The following KLHL1 variants were observed in gnomAD, a reference collection of about 807,000 sequenced individuals.
The protein encoded by KLHL1 is kelch-like protein 1.
KLHL1 carries 47 observed loss-of-function variants against 77.7 expected under a neutral mutation model. The observed-to-expected ratio is 0.60, with a 90% confidence interval of 0.48 to 0.77. The LOEUF (loss-of-function observed/expected upper bound fraction) is 0.77, where lower values mean the gene tolerates loss of function less well. Among genes scored for constraint, KLHL1 ranks in the 30% least tolerant of loss-of-function variants. The pLI, the probability that KLHL1 is intolerant of heterozygous loss-of-function variation, is 0.00. For synonymous variants in KLHL1, 360 were observed against 325.2 expected, an observed-to-expected ratio of 1.11 and a Z score of -1.15; for missense variants, 925 against 910.8, an observed-to-expected ratio of 1.02 and a Z score of -0.20.
At chr13:69,784,659 A>G (rs1876414866) in intron 7 of KLHL1, among the ~76,000 whole-genome samples, 1 of 151,556 alleles carries the variant, frequency 6.6e-6, no homozygotes, top group Non-Finnish European at 1.5e-5. Context: ...TATGCACCCA[A>G]TACAGGAGCA....
At chr13:70,031,207 G>A (rs938641722) in intron 1 of KLHL1, among the ~76,000 whole-genome samples, 4 of 152,160 alleles carry the variant, frequency 2.6e-5, no homozygotes, top group Non-Finnish European at 4.4e-5. Context: ...CTATGCAGAA[G>A]GTTTAAGAAG....
At chr13:69,812,917 A>G (rs201808253) in intron 6 of KLHL1, among the ~76,000 whole-genome samples, 58,220 of 129,822 alleles carry the variant, frequency 0.45, 14,086 homozygotes, top group African/African-American at 0.62. Context: ...ACAGTGTGGC[A>G]ATTCCTCAGG....
intron 5 of KLHL1, among the ~76,000 whole-genome samples, chr13:69,851,218 T>C (rs1254191040): frequency 3.3e-5 from 5 of 151,778 alleles, no homozygotes; most frequent in African/African-American, 1.2e-4. Context: ...CTGTTATTTA[T>C]AATTACATTT....
chr13:69,993,493 C>T (rs909500818), intron 1 of KLHL1, among the ~76,000 whole-genome samples: 7 of 152,092 alleles, frequency 4.6e-5, no homozygotes, highest in South Asian at 2.1e-4. Flanking sequence ...TTTTGAACAA[C>T]GAAGAATGAA....
chr13:69,779,217 C>CCTAA (rs1212240633), intron 7 of KLHL1, among the ~76,000 whole-genome samples: 4 of 152,102 alleles, frequency 2.6e-5, no homozygotes, highest in African/African-American at 9.7e-5. Context: ...CCAGGGAATA[C>CCTAA]CTAACTTACG....
intron 4 of KLHL1, among the ~76,000 whole-genome samples, chr13:69,936,423 T>C (rs1452364784): frequency 1.3e-5 from 2 of 151,674 alleles, no homozygotes; most frequent in Non-Finnish European, 2.9e-5. Flanking sequence ...ACCTCGTCTC[T>C]ACTAAAAATA....
chr13:70,033,869 C>T (rs945123384), intron 1 of KLHL1, among the ~76,000 whole-genome samples: 1 of 151,974 alleles, frequency 6.6e-6, no homozygotes, highest in Non-Finnish European at 1.5e-5. Flanking sequence ...ATCTTCCTGC[C>T]CCCACCTCTG....
At chr13:69,855,878 A>G (rs1431483404) in intron 5 of KLHL1, among the ~76,000 whole-genome samples, 2 of 146,478 alleles carry the variant, frequency 1.4e-5, no homozygotes, top group East Asian at 2.0e-4. Flanking sequence ...TATATTATAT[A>G]TGTTATATAA....
intron 5 of KLHL1, among the ~76,000 whole-genome samples, chr13:69,862,058 A>T (rs569529396): frequency 1.4e-4 from 22 of 151,878 alleles, no homozygotes; most frequent in African/African-American, 5.3e-4. Context: ...AATGAATATT[A>T]TCGTTGTTTA....
chr13:69,741,046 C>G (rs567189788), intron 7 of KLHL1, among the ~76,000 whole-genome samples: 1 of 152,246 alleles, frequency 6.6e-6, no homozygotes, highest in South Asian at 2.1e-4. Flanking sequence ...TATTACCAAT[C>G]TGAATTTCAG....
intron 4 of KLHL1, among the ~76,000 whole-genome samples, chr13:69,935,764 T>C (rs1259908027): frequency 6.6e-6 from 1 of 152,038 alleles, no homozygotes; most frequent in Non-Finnish European, 1.5e-5. Flanking sequence ...TAGCAGAAAA[T>C]GTGATTTTAA....
intron 1 of KLHL1, among the ~76,000 whole-genome samples, chr13:70,086,964 G>A (rs572990667): frequency 2.0e-4 from 31 of 152,254 alleles, no homozygotes; most frequent in African/African-American, 7.5e-4. Flanking sequence ...GGTCAGGGGG[G>A]AATGGCATGA....
chr13:69,823,120 A>G (rs1011081731), intron 6 of KLHL1, among the ~76,000 whole-genome samples: 7 of 152,146 alleles, frequency 4.6e-5, no homozygotes. Flanking sequence ...GATGAATAAC[A>G]TATGTCATAA....
chr13:69,897,859 C>G (rs1422099153), intron 4 of KLHL1, among the ~76,000 whole-genome samples: 1 of 152,184 alleles, frequency 6.6e-6, no homozygotes, highest in African/African-American at 2.4e-5. Context: ...AGATCATTAA[C>G]CAGATTTAGA....
In KLHL1 at chr13:69,882,379, A is replaced by G. The variant is rs1345459340; in HGVS notation, c.1131T>C (p.His377=). ...VNVPDEETIF[H]ALMMWVKYDM... is the part of the protein sequence containing the mutation. Reference sequence around the variant, plus strand: ...CATACTTGACCCACATCATCAATGCATGGAAGATGGTTTCTTCATCAGGAA... The same window carrying G: ...CATACTTGACCCACATCATCAATGCGTGGAAGATGGTTTCTTCATCAGGAA... The change falls in exon 5 of 11, where the codon CAT becomes CAC. Residue 377 remains histidine (H), a synonymous_variant. Coordinates refer to ENST00000377844, the MANE Select transcript of KLHL1 (RefSeq NM_020866.3). The G allele has an allele frequency of 1.2e-6, 2 of 1,613,694 alleles. No individual in the cohort carries two copies. Among genetic ancestry groups the G allele is most frequent in the South Asian group, 2.2e-5 (2 of 91,066 alleles).
rs1326033677 is a variant in KLHL1, at chr13:70,060,564, G to A, written c.497+46639C>T. On this transcript the variant is annotated intron_variant, in intron 1 of 10. Transcript: ENST00000377844. ...AAAAAAAAAAATGTGGTATATATAGGCCAGGTGCATGGCTCATGCCTGTAA... is the reference window on the plus strand; with the variant it reads ...AAAAAAAAAAATGTGGTATATATAGACCAGGTGCATGGCTCATGCCTGTAA... Among the ~76,000 whole-genome samples, 3 of 152,040 alleles carry A rather than the reference G, an allele frequency of 2.0e-5. No individual in the cohort carries two copies. The South Asian group carries it at 6.2e-4, about 32-fold the overall frequency.
intron 7 of KLHL1, among the ~76,000 whole-genome samples, chr13:69,762,858 T>C (rs1875092974): frequency 6.6e-6 from 1 of 151,800 alleles, no homozygotes; most frequent in Non-Finnish European, 1.5e-5. Context: ...TTTCCAACCT[T>C]ATACATGGGC....
chr13:69,886,804 T>C (rs946606094), intron 4 of KLHL1, among the ~76,000 whole-genome samples: 1 of 152,172 alleles, frequency 6.6e-6, no homozygotes, highest in Non-Finnish European at 1.5e-5. Flanking sequence ...CTTACCATCT[T>C]ATACTCTGTG....
intron 6 of KLHL1, among the ~76,000 whole-genome samples, chr13:69,799,102 A>C (rs1877261569): frequency 1.3e-5 from 2 of 152,030 alleles, no homozygotes; most frequent in Non-Finnish European, 2.9e-5. Flanking sequence ...AGAAAAAAAA[A>C]AAAAGGTTTA....
Sources: allele counts gnomAD v4.1 joint callset (sites outside exome capture counted in the v4.1 genomes callset), GRCh38; gene constraint gnomAD v4.1.1; transcripts MANE v1.5; gene names NCBI Gene and HGNC (gene_info 2026-07-23, HGNC 2026-07-21).